Variants in TMC1 observed in about 807,000 individuals in gnomAD.
The protein encoded by TMC1 is transmembrane channel-like protein 1.
In TMC1, 84 loss-of-function variants were observed where a neutral mutation model predicts 105.8. The ratio of observed to expected loss-of-function variants is 0.79; its 90% CI spans 0.67 to 0.95. The LOEUF is 0.95. Among genes scored for constraint, TMC1 ranks in the 40% least tolerant of loss-of-function variants. The pLI, the probability that TMC1 is intolerant of heterozygous loss-of-function variation, is 0.00. For synonymous variants in TMC1, 315 were observed against 311.5 expected (o/e 1.01, Z -0.12); for missense variants, 817 against 914.1 (o/e 0.89, Z 1.37).
At chr9:72,554,709 C>T (rs533567545) in intron 1 of TMC1, among the ~76,000 whole-genome samples, 2 of 152,274 alleles carry the variant, frequency 1.3e-5, no homozygotes, top group African/African-American at 4.8e-5. Context: ...GCCACTTTCT[C>T]ATCTGTAAAA....
chr9:72,749,181 G>T (rs1404741924), intron 10 of TMC1, among the ~76,000 whole-genome samples: 1 of 152,196 alleles, frequency 6.6e-6, no homozygotes, highest in African/African-American at 2.4e-5. Context: ...ATTTGTCAGG[G>T]ATTGTGTGTA....
intron 2 of TMC1, among the ~76,000 whole-genome samples, chr9:72,605,293 G>A (rs1000675929): frequency 6.6e-6 from 1 of 152,172 alleles, no homozygotes; most frequent in South Asian, 2.1e-4. Flanking sequence ...AATTTCTGGG[G>A]ATGAGGAATC....
intron 1 of TMC1, among the ~76,000 whole-genome samples, chr9:72,547,973 A>G (rs1823800453): frequency 2.0e-5 from 3 of 152,168 alleles, no homozygotes; most frequent in South Asian, 4.1e-4. Context: ...CTATCCTCAC[A>G]TGGCAGAGAG....
chr9:72,818,067 G>A (rs1588099142), intron 19 of TMC1, among the ~76,000 whole-genome samples: 1 of 152,096 alleles, frequency 6.6e-6, no homozygotes, highest in Non-Finnish European at 1.5e-5. Flanking sequence ...TGTAGAGGGA[G>A]GTGTGGGGCA....
intron 10 of TMC1, among the ~76,000 whole-genome samples, chr9:72,747,195 G>A (rs1827503596): frequency 6.6e-6 from 1 of 152,056 alleles, no homozygotes; most frequent in Non-Finnish European, 1.5e-5. Context: ...TAAACCTTAT[G>A]TTTCCTTGCT....
intron 3 of TMC1, among the ~76,000 whole-genome samples, chr9:72,618,695 G>A (rs1034771819): frequency 2.6e-5 from 4 of 152,072 alleles, no homozygotes; most frequent in Non-Finnish European, 5.9e-5. Flanking sequence ...TAATACATAT[G>A]TTAATGTAAT....
intron 5 of TMC1, among the ~76,000 whole-genome samples, chr9:72,655,523 G>A (rs1825869977): frequency 6.6e-6 from 1 of 151,584 alleles, no homozygotes; most frequent in African/African-American, 2.4e-5. Flanking sequence ...TCCTAACTTT[G>A]GCAGGTCAAG....
rs553440487 is a variant in TMC1 at position 72,601,997 on chromosome 9, A to G, written c.-305-14371A>G. Among the ~76,000 whole-genome samples the G allele has an allele frequency of 5.3e-5, 8 of 152,354 alleles. No homozygotes were observed. In the South Asian group the frequency reaches 1.7e-3, roughly 32 times the overall value. On this transcript the variant is annotated intron_variant, in intron 2 of 23. Coordinates refer to ENST00000297784, the MANE Select transcript of TMC1 (RefSeq NM_138691.3). ...CATTTATTTTTCATATACACCTTGT[A>G]TACATAGCCTGAAGGTAATTTTATA... is the stretch of plus-strand genomic sequence containing the variant.
chr9:72,596,539 T>TAAAAAAAAAAAAAAAAAAAAAAAAAAAA (rs35140344), intron 2 of TMC1, among the ~76,000 whole-genome samples: 1 of 102,276 alleles, frequency 9.8e-6, no homozygotes. Flanking sequence ...GTTTCAATTG[T>TAAAAAAAAAAAAAAAAAAAAAAAAAAAA]AAAAAAAAAA....
At chr9:72,551,613 T>C (rs986385584) in intron 1 of TMC1, among the ~76,000 whole-genome samples, 2 of 152,162 alleles carry the variant, frequency 1.3e-5, no homozygotes, top group African/African-American at 4.8e-5. Context: ...CTTGTAGCCA[T>C]TGTTTTGAGC....
rs147391180 is a variant in TMC1, at chr9:72,618,186, G to A, written c.-196+1709G>A. Among the ~76,000 whole-genome samples the A allele has an allele frequency of 6.1e-3, 920 of 150,564 alleles. 16 individuals are homozygous for A. The highest frequency in any genetic ancestry group is 0.021 in the African/African-American group (855 of 41,106). On this transcript the variant is annotated intron_variant, in intron 3 of 23. Transcript: ENST00000297784. Reference sequence around the variant, plus strand: ...TGGGATTACAGGTGCCCACCACCACGCCCGGCTAATTTTTGTATTTTTAGT... The same window carrying A: ...TGGGATTACAGGTGCCCACCACCACACCCGGCTAATTTTTGTATTTTTAGT...
intron 1 of TMC1, among the ~76,000 whole-genome samples, chr9:72,573,362 A>G (rs905714605): frequency 6.6e-6 from 1 of 152,162 alleles, no homozygotes; most frequent in African/African-American, 2.4e-5. Flanking sequence ...TTCTCCTCTA[A>G]ATAGGGGTGC....
intron 19 of TMC1, among the ~76,000 whole-genome samples, chr9:72,819,180 T>C (rs1403380194): frequency 1.3e-5 from 2 of 152,196 alleles, no homozygotes; most frequent in Non-Finnish European, 2.9e-5. Flanking sequence ...ATAGGATCCA[T>C]CTGAAACATT....
intron 8 of TMC1, among the ~76,000 whole-genome samples, chr9:72,713,502 A>C (rs1826868625): frequency 6.6e-6 from 1 of 152,114 alleles, no homozygotes; most frequent in Admixed American, 6.6e-5. Context: ...CAGTTTTAGG[A>C]GGGTGTATGT....
At chr9:72,788,571 T>G in intron 14 of TMC1, 88 bp downstream of exon 14, 2 of 1,345,988 alleles carry the variant, frequency 1.5e-6, no homozygotes, top group Non-Finnish European at 2.1e-6. Context: ...TGCAGTATCT[T>G]GACAATTTAC....
intron 18 of TMC1, among the ~76,000 whole-genome samples, chr9:72,811,697 A>T (rs1394903936): frequency 6.6e-6 from 1 of 152,104 alleles, no homozygotes; most frequent in Non-Finnish European, 1.5e-5. Flanking sequence ...TTTTAAGGTG[A>T]TCATTGCTCA....
chr9:72,712,921 A>T (rs1053350886), intron 8 of TMC1, among the ~76,000 whole-genome samples: 1 of 152,176 alleles, frequency 6.6e-6, no homozygotes, highest in Non-Finnish European at 1.5e-5. Context: ...TGTCATAAAT[A>T]GCTCTTATTA....
chr9:72,699,946 G>A (rs1826613509), intron 7 of TMC1, among the ~76,000 whole-genome samples: 1 of 102,752 alleles, frequency 9.7e-6, no homozygotes, highest in Non-Finnish European at 1.8e-5. Context: ...AACAGAACGA[G>A]ACTCTGTCTC....
rs914546724 is a variant in TMC1 at position 72,698,043 on chromosome 9, T to TA, written c.237-2464dup. 1.5e-3 allele frequency among the ~76,000 whole-genome samples: 228 copies of TA among 147,550 alleles called. 3 individuals are homozygous for TA. The Middle Eastern group carries it at 0.021, about 14-fold the overall frequency. Reference sequence around the variant, plus strand: ...CCACATATCATTCTAATTGGCAAATTAAAAAAAAAAATTGTGGATATAGAT... The same window carrying TA: ...CCACATATCATTCTAATTGGCAAATTAAAAAAAAAAAATTGTGGATATAGAT... On this transcript the variant is annotated intron_variant, in intron 7 of 23. Transcript: ENST00000297784.
Sources: gnomAD v4.1 joint callset for allele counts (sites outside exome capture counted in the v4.1 genomes callset) on GRCh38, gnomAD v4.1.1 for gene constraint, MANE v1.5 for transcripts, NCBI Gene and HGNC (gene_info 2026-07-23, HGNC 2026-07-21) for gene names.